Variants in SUN1 observed in about 807,000 individuals in gnomAD.
SUN1 encodes the protein SUN domain-containing protein 1.
A neutral mutation model predicts 103.2 loss-of-function variants in SUN1; 61 were observed. That is an observed-to-expected ratio of 0.59 (90% confidence interval 0.48 to 0.73). The LOEUF (loss-of-function observed/expected upper bound fraction) is 0.73, where lower values mean the gene tolerates loss of function less well. Ranked by LOEUF, SUN1 falls within the 30% of genes least tolerant of loss-of-function variation. The probability of loss-of-function intolerance (pLI) is 0.00; values close to 1 mark genes in which losing one functional copy is unlikely to be tolerated. For synonymous variants in SUN1, 490 were observed against 425.7 expected (o/e 1.15, Z -1.86); for missense variants, 1,052 against 1,034.6 (o/e 1.02, Z -0.23).
In SUN1 at chr7:852,969, G is replaced by T. The variant is rs1168761616; in HGVS notation, c.1053+17G>T. The T allele has an allele frequency of 6.2e-7, 1 of 1,605,302 alleles. No individual in the cohort carries two copies. The highest frequency in any genetic ancestry group is 8.5e-7 in the Non-Finnish European group (1 of 1,176,488). On this transcript the variant is annotated intron_variant, in intron 9 of 18. Transcript: ENST00000401592. ...CCTCTGCAGGTAAGAGGGTAGAAAGGCCTCTCAGCTGGCACTGCACATGTG... is the reference window on the plus strand; with the variant it reads ...CCTCTGCAGGTAAGAGGGTAGAAAGTCCTCTCAGCTGGCACTGCACATGTG...
At chr7:843,693 C>T in intron 5 of SUN1, 173 bp downstream of exon 5, 2 of 1,448,648 alleles carry the variant, frequency 1.4e-6, no homozygotes, top group Admixed American at 3.1e-5. Context: ...TTCTAGTTTA[C>T]ATTTTATGTG....
At chr7:830,936 G>C, upstream of SUN1, 1 of 985,520 alleles carries the variant, frequency 1.0e-6, no homozygotes, top group Non-Finnish European at 1.2e-6. Flanking sequence ...TGCCAGAGCA[G>C]GCCTGCGCAC....
rs969322393 is a variant in SUN1, at chr7:841,822, A to G, written c.267-124A>G. On this transcript the variant is annotated intron_variant, in intron 2 of 18. Coordinates refer to ENST00000401592, the MANE Select transcript of SUN1 (RefSeq NM_001130965.3). ...GTTGATTCATTACAGCAGAAAAGGC[A>G]TAGGAAAATGGTTTGCCTTAAAATG... The G allele has an allele frequency of 3.0e-6, 3 of 999,102 alleles. No individual in the cohort carries two copies. The East Asian group carries it at 7.9e-5, about 26-fold the overall frequency. 61.9% of individuals were successfully genotyped at this position (999,102 alleles called of 1,614,324 possible).
chr7:823,538 G>A (rs796850612), intron 1 of SUN1, among the ~76,000 whole-genome samples: 7 of 152,114 alleles, frequency 4.6e-5, no homozygotes, highest in African/African-American at 1.7e-4. Flanking sequence ...GGAGGAGAGG[G>A]TTCCCTGGAG....
intron 3 of SUN1, 25 bp downstream of exon 3, chr7:842,155 G>T: frequency 1.2e-6 from 2 of 1,603,906 alleles, no homozygotes; most frequent in Non-Finnish European, 1.7e-6. Flanking sequence ...GACACAGATT[G>T]TCCCGCCTAC....
At chr7:857,244 C>G (rs539230996) in intron 12 of SUN1, among the ~76,000 whole-genome samples, 1 of 152,276 alleles carries the variant, frequency 6.6e-6, no homozygotes, top group South Asian at 2.1e-4. Context: ...CTCCTGTGCC[C>G]CATGTTCCTC....
chr7:846,770 A>C (rs1816237640), intron 5 of SUN1, among the ~76,000 whole-genome samples: 1 of 151,222 alleles, frequency 6.6e-6, no homozygotes, highest in Non-Finnish European at 1.5e-5. Context: ...CCAGCTACTC[A>C]GGAGGCTGAG....
intron 15 of SUN1, among the ~76,000 whole-genome samples, chr7:863,390 G>A (rs771783573): frequency 7.3e-5 from 11 of 150,682 alleles, no homozygotes; most frequent in South Asian, 2.1e-4. Flanking sequence ...CTGCCTTCAC[G>A]GCCAACTTGG....
At chr7:834,498 C>T (rs1170546446) in intron 1 of SUN1, among the ~76,000 whole-genome samples, 2 of 152,118 alleles carry the variant, frequency 1.3e-5, no homozygotes, top group East Asian at 3.9e-4. Flanking sequence ...CCTCCTGGTC[C>T]TGGGCTGGCC....
At chr7:852,259 AG>A (rs1822923482) in intron 7 of SUN1, 1 of 614,738 alleles carries the variant, frequency 1.6e-6, no homozygotes, top group Admixed American at 3.0e-5. Context: ...TGCAGAGGTG[AG>A]GCAGCTGGGA....
Position 841,982 on chromosome 7 carries a change from T to G in SUN1, c.303T>G (p.Ala101=). 6 of 1,614,182 alleles carry G rather than the reference T, an allele frequency of 3.7e-6. No homozygotes were observed. Among genetic ancestry groups the G allele is most frequent in the Non-Finnish European group, 5.1e-6 (6 of 1,180,040 alleles). The change falls in exon 3 of 19, where the codon GCT becomes GCG. Residue 101 remains alanine (A), a synonymous_variant. Coordinates refer to ENST00000401592, the MANE Select transcript of SUN1 (RefSeq NM_001130965.3). The stretch of plus-strand genomic sequence containing the variant: ...AGCGCAGAAGCACAAACAAATCAGC[T>G]TTTAGTATCAACCACGTGTCAAGGC... ...TKQRRSTNKS[A]FSINHVSRQV...
intron 14 of SUN1, 81 bp from the exon 15 acceptor site, chr7:861,299 G>C (rs1832026263): frequency 2.2e-6 from 3 of 1,370,150 alleles, no homozygotes; most frequent in Non-Finnish European, 3.1e-6. Flanking sequence ...GTAAGTGTCT[G>C]GTCCTCATCC....
At chr7:824,228 A>G (rs1789167557) in intron 1 of SUN1, among the ~76,000 whole-genome samples, 1 of 152,368 alleles carries the variant, frequency 6.6e-6, no homozygotes, top group South Asian at 2.1e-4. Flanking sequence ...TGGCTGAGAA[A>G]CACAAAAAGA....
Position 841,537 on chromosome 7 carries a change from T to G in SUN1, c.267-409T>G, listed in dbSNP as rs556233959. 5.2e-4 allele frequency among the ~76,000 whole-genome samples: 79 copies of G among 152,324 alleles called. 3 individuals are homozygous for G. The South Asian group carries it at 0.015, about 29-fold the overall frequency. Reference sequence around the variant, plus strand: ...GATTCCAGGTGAGAGCCACCGCGCCTGGCCATGACTACCTATTCTTGTTGT... The same window carrying G: ...GATTCCAGGTGAGAGCCACCGCGCCGGGCCATGACTACCTATTCTTGTTGT... On this transcript the variant is annotated intron_variant, in intron 2 of 18. Coordinates refer to ENST00000401592, the MANE Select transcript of SUN1 (RefSeq NM_001130965.3).
intron 16 of SUN1, among the ~76,000 whole-genome samples, chr7:868,220 A>G (rs1209786748): frequency 6.6e-6 from 1 of 152,226 alleles, no homozygotes; most frequent in African/African-American, 2.4e-5. Flanking sequence ...TCCGTTGCGC[A>G]CAGCAACGTG....
At position 866,062 on chromosome 7, in the gene SUN1, A is replaced by G. The variant is rs894990517; in HGVS notation, c.1975A>G (p.Ile659Val). Residue 659 changes from isoleucine to valine, a missense_variant, in exon 16 of 19, where the codon ATC (isoleucine) becomes GTC (valine). By Grantham distance (29) the Ile-to-Val change is conservative. Transcript: ENST00000401592. ...CTTCTCGCAGTCCCCGCGCGTGGTC[A>G]TCCAGGTGAGTGGCCGCCGGTGGCC... is the stretch of plus-strand genomic sequence containing the variant. ...WYFSQSPRVV[I>V]QPDIYPGNCW... The G allele has an allele frequency of 2.5e-6, 4 of 1,614,032 alleles. No individual in the cohort carries two copies. Among genetic ancestry groups the G allele is most frequent in the Non-Finnish European group, 3.4e-6 (4 of 1,179,942 alleles).
At chr7:829,548 G>GTTTTTTTTTTTTTTTTTTTTT (rs59608102), upstream of SUN1, among the ~76,000 whole-genome samples, 1 of 143,828 alleles carries the variant, frequency 7.0e-6, no homozygotes. Context: ...AAAATAACTG[G>GTTTTTTTTTTTTTTTTTTTTT]TTTTTTTTTT....
Position 841,953 on chromosome 7 carries a change from A to G in SUN1, c.274A>G (p.Lys92Glu). 1 of 1,614,176 alleles carries G rather than the reference A, an allele frequency of 6.2e-7. No individual in the cohort carries two copies. Among genetic ancestry groups the G allele is most frequent in the Non-Finnish European group, 8.5e-7 (1 of 1,180,044 alleles). The change falls in exon 3 of 19, where the codon AAA becomes GAA. Residue 92 changes from lysine to glutamate, a missense_variant. By Grantham distance (56) the Lys-to-Glu change is moderately conservative. Coordinates refer to ENST00000401592, the MANE Select transcript of SUN1 (RefSeq NM_001130965.3). The part of the protein sequence containing the change: ...SLKNRAARTT[K>E]QRRSTNKSAF... ...GTTTTTTTTTCTTCTTAGAACAACAAAACAGCGCAGAAGCACAAACAAATC... is the reference window on the plus strand; with the variant it reads ...GTTTTTTTTTCTTCTTAGAACAACAGAACAGCGCAGAAGCACAAACAAATC...
chr7:843,577 C>T (rs1812259992), intron 5 of SUN1, 57 bp downstream of exon 5: 1 of 1,613,416 alleles, frequency 6.2e-7, no homozygotes, highest in Non-Finnish European at 8.5e-7. Context: ...TTTAATATTT[C>T]CTTTCTGTAA....
Sources: allele counts gnomAD v4.1 joint callset (sites outside exome capture counted in the v4.1 genomes callset), GRCh38; gene constraint gnomAD v4.1.1; transcripts MANE v1.5; gene names NCBI Gene and HGNC (gene_info 2026-07-23, HGNC 2026-07-21).